DENND2B: variants seen among roughly 807,000 people sequenced by gnomAD.
DENND2B encodes DENN domain-containing protein 2B.
In DENND2B, 32 loss-of-function variants were observed where a neutral mutation model predicts 116.0. The ratio of observed to expected loss-of-function variants is 0.28; its 90% CI spans 0.21 to 0.37. DENND2B has a LOEUF of 0.37. DENND2B is among the 10% of genes least tolerant of loss of function. The probability of loss-of-function intolerance (pLI) is 1.00; values close to 1 mark genes in which losing one functional copy is unlikely to be tolerated. For missense variants in DENND2B, 1,276 were observed against 1,477.7 expected (o/e 0.86, Z 2.24); for synonymous variants, 588 against 583.9 (o/e 1.01, Z -0.10).
chr11:8,886,123 C>T lies in DENND2B; in HGVS notation c.-255-5014G>A, dbSNP rs545634970. Among the ~76,000 whole-genome samples the T allele has an allele frequency of 1.6e-4, 25 of 152,066 alleles. No individual in the cohort carries two copies. The East Asian group carries it at 3.7e-3, about 22-fold the overall frequency. ...AATTTTTAAAATTTTTTTGTAGAGA[C>T]AAGGTCTCACCATGTTGTCCAGGCT... On this transcript the variant is annotated intron_variant, in intron 1 of 22. Coordinates refer to the DENND2B transcript ENST00000534127.
At chr11:8,748,039 C>T (rs763710696) in intron 2 of DENND2B, among the ~76,000 whole-genome samples, 16 of 152,108 alleles carry the variant, frequency 1.1e-4, no homozygotes, top group Non-Finnish European at 1.9e-4. Flanking sequence ...CCAGACCTCC[C>T]TCTTCCACCA....
intron 2 of DENND2B, among the ~76,000 whole-genome samples, chr11:8,861,248 C>A (rs922822686): frequency 1.3e-5 from 2 of 151,982 alleles, no homozygotes; most frequent in African/African-American, 4.8e-5. Context: ...AACAGACAAC[C>A]CGCAGAATGG....
At chr11:8,838,922 A>G (rs1001760165) in intron 4 of DENND2B, among the ~76,000 whole-genome samples, 1 of 152,228 alleles carries the variant, frequency 6.6e-6, no homozygotes, top group African/African-American at 2.4e-5. Context: ...AGCAATGACC[A>G]TTCTTAGGCC....
intron 1 of DENND2B, among the ~76,000 whole-genome samples, chr11:8,760,837 T>C (rs977440567): frequency 6.6e-6 from 1 of 152,118 alleles, no homozygotes; most frequent in African/African-American, 2.4e-5. Flanking sequence ...CCAACATTTG[T>C]TTTGCTGGGA....
chr11:8,775,521 C>T (rs2057504336), intron 1 of DENND2B, among the ~76,000 whole-genome samples: 1 of 152,022 alleles, frequency 6.6e-6, no homozygotes, highest in Admixed American at 6.5e-5. Flanking sequence ...TCTGACCTTC[C>T]AGATGGCTGG....
rs772833539 is a variant in DENND2B, at chr11:8,697,631, G to A, written c.2946C>T (p.Asp982=). 1.4e-5 allele frequency: 23 copies of A among 1,612,076 alleles called. No homozygotes were observed. Among genetic ancestry groups the A allele is most frequent in the Middle Eastern group, 1.6e-4 (1 of 6,082 alleles). ...TCCTAGGTAACAACGTGTCTTCGTC[G>A]TCCATCTGCAGGAGAAAGAAAGCAC... is the stretch of plus-strand genomic sequence containing the variant. The part of the protein sequence containing the change: ...LGSDRFIRQM[D]DEDTLLPRKL... Residue 982 remains aspartate (D), a synonymous_variant, in exon 17 of 20, where the codon GAC becomes GAT. Coordinates refer to ENST00000313726, the MANE Select transcript of DENND2B (RefSeq NM_213618.2).
At chr11:8,889,448 C>T (rs903016863) in intron 1 of DENND2B, among the ~76,000 whole-genome samples, 9 of 152,196 alleles carry the variant, frequency 5.9e-5, no homozygotes, top group South Asian at 2.1e-4. Context: ...GGCGAGGCAT[C>T]GCCTCACCCG....
At chr11:8,879,528 G>A (rs2063879856) in intron 2 of DENND2B, among the ~76,000 whole-genome samples, 1 of 152,214 alleles carries the variant, frequency 6.6e-6, no homozygotes, top group Non-Finnish European at 1.5e-5. Context: ...TGAGAAGAGT[G>A]ACATGATGTG....
Position 8,702,984 on chromosome 11 carries a change from C to T in DENND2B, c.2572-264G>A, listed in dbSNP as rs1349216057. On this transcript the variant is annotated intron_variant, in intron 13 of 19. Coordinates refer to ENST00000313726, the MANE Select transcript of DENND2B (RefSeq NM_213618.2). The surrounding 1 kb of genome is among the most constrained non-coding windows in gnomAD (Gnocchi z 4.6). ...CAGAAGGAAGGAGTTGAGGGGCCAT[C>T]CATCGGGACCTCAGGAAGAGAGGAG... The T allele has an allele frequency of 2.3e-5, 11 of 470,312 alleles. No individual in the cohort carries two copies. Among genetic ancestry groups the T allele is most frequent in the South Asian group, 5.3e-5 (2 of 37,458 alleles). 29.1% of individuals were successfully genotyped at this position (470,312 alleles called of 1,614,324 possible). A position where few individuals can be genotyped will look rare whatever the true frequency, so the allele number is the denominator to read the frequency against.
chr11:8,772,639 C>T (rs2057089434), intron 1 of DENND2B, among the ~76,000 whole-genome samples: 1 of 151,846 alleles, frequency 6.6e-6, no homozygotes, highest in African/African-American at 2.4e-5. Context: ...GAAACAGAGA[C>T]AGGGAAAGAA....
At chr11:8,728,355 A>G (rs2047491130) in intron 3 of DENND2B, among the ~76,000 whole-genome samples, 1 of 152,164 alleles carries the variant, frequency 6.6e-6, no homozygotes, top group South Asian at 2.1e-4. Context: ...CACACTTGGT[A>G]TAACAGACAC....
chr11:8,696,531 G>C lies in DENND2B; in HGVS notation c.3188C>G (p.Ser1063Cys), dbSNP rs550462448. 86 of 1,614,224 alleles carry C rather than the reference G, an allele frequency of 5.3e-5. No individual in the cohort carries two copies. The South Asian group carries it at 9.2e-4, about 17-fold the overall frequency. Residue 1063 changes from serine to cysteine, a missense_variant, in exon 18 of 20, where the codon TCT becomes TGT. Around this residue, in one of 2 missense-constraint regions of DENND2B, gnomAD observed 420 missense variants for 631.1 expected, o/e 0.67. Transcript: ENST00000313726. ...RAFQREAFRK[S>C]VASKSIRRFL... ...GCGGCGGATGCTTTTGGAGGCCACA[G>C]ATTTGCGGAAGGCCTCTCGCTGAAA...
Position 8,768,246 on chromosome 11 carries a change from T to A in DENND2B, c.-25-17521A>T, listed in dbSNP as rs557200217. On this transcript the variant is annotated intron_variant, in intron 1 of 19. Coordinates refer to ENST00000313726, the MANE Select transcript of DENND2B (RefSeq NM_213618.2). ...TCACTTCCCTCAAGGATCTTTAATT[T>A]ATTTATTTATTTATTATTTAGAGAT... is the stretch of plus-strand genomic sequence containing the variant. Among the ~76,000 whole-genome samples the A allele has an allele frequency of 3.8e-4, 58 of 151,990 alleles. 1 individual carries two copies. The highest frequency in any genetic ancestry group is 5.6e-4 in the Non-Finnish European group (38 of 67,988).
intron 3 of DENND2B, chr11:8,726,439 TAAC>T (rs1420589921): frequency 2.2e-6 from 1 of 455,360 alleles, no homozygotes; most frequent in African/African-American, 2.0e-5. Context: ...CGCTATTAGA[TAAC>T]AACTACCCCA....
chr11:8,731,630 G>A (rs746558589), intron 2 of DENND2B, among the ~76,000 whole-genome samples: 7 of 152,114 alleles, frequency 4.6e-5, no homozygotes, highest in Admixed American at 6.6e-5. Flanking sequence ...CAAGAGGATC[G>A]CTTGAGCCCA....
intron 1 of DENND2B, among the ~76,000 whole-genome samples, chr11:8,755,030 A>G (rs1449599693): frequency 6.6e-6 from 1 of 152,254 alleles, no homozygotes; most frequent in African/African-American, 2.4e-5. Context: ...TTACATCTCA[A>G]TATAGACGTT....
At chr11:8,723,511 T>C (rs2046549948) in intron 4 of DENND2B, among the ~76,000 whole-genome samples, 2 of 152,120 alleles carry the variant, frequency 1.3e-5, no homozygotes, top group African/African-American at 4.8e-5. Flanking sequence ...CAAGTGTGTC[T>C]AGGCCTCTGC....
intron 1 of DENND2B, among the ~76,000 whole-genome samples, chr11:8,907,122 C>T (rs1589897481): frequency 6.6e-6 from 1 of 152,220 alleles, no homozygotes; most frequent in Admixed American, 6.5e-5. Flanking sequence ...AACGCATCTC[C>T]TCCAAAACAT....
chr11:8,882,993 A>G (rs2063918877), intron 1 of DENND2B, among the ~76,000 whole-genome samples: 1 of 152,246 alleles, frequency 6.6e-6, no homozygotes, highest in African/African-American at 2.4e-5. Flanking sequence ...GTCTCAATCA[A>G]TCAAATAATT....
Sources: allele counts gnomAD v4.1 joint callset (sites outside exome capture counted in the v4.1 genomes callset), GRCh38; gene constraint gnomAD v4.1.1; regional missense constraint gnomAD v4.1.1; non-coding constraint Gnocchi (gnomAD v3.1); transcripts MANE v1.5; gene names NCBI Gene and HGNC (gene_info 2026-07-23, HGNC 2026-07-21).